Variants in LSS observed in about 807,000 individuals in gnomAD.
The protein encoded by LSS is 2,3-epoxysqualene-lanosterol cyclase.
Under a neutral mutation model 110.3 loss-of-function variants are expected in LSS, and 90 were observed. That is an observed-to-expected ratio of 0.82 (90% CI 0.69 to 0.97). The LOEUF (loss-of-function observed/expected upper bound fraction) is 0.97. LSS is among the 50% of genes least tolerant of loss of function. The pLI, the probability that LSS is intolerant of heterozygous loss-of-function variation, is 0.00. For synonymous variants in LSS, 433 were observed against 400.0 expected (o/e 1.08, Z -0.98); for missense variants, 927 against 990.0 (o/e 0.94, Z 0.85).
Position 46,228,418 on chromosome 21 carries a change from C to T in LSS, c.180+16G>A. ...CAGGGTCCCGAGCTCGCTGACGCTC[C>T]GCGGAAGCAACTTACGGTGTCCAGC... is the stretch of plus-strand genomic sequence containing the variant. On this transcript the variant is annotated intron_variant, in intron 2 of 21. Coordinates refer to ENST00000397728, the MANE Select transcript of LSS (RefSeq NM_002340.6). The T allele has an allele frequency of 6.3e-7, 1 of 1,599,554 alleles. No individual in the cohort carries two copies. The highest frequency in any genetic ancestry group is 8.5e-7 in the Non-Finnish European group (1 of 1,178,956).
At chr21:46,195,531 C>T in intron 19 of LSS, 145 bp downstream of exon 19, 1 of 765,028 alleles carries the variant, frequency 1.3e-6, no homozygotes, top group East Asian at 2.6e-5. Flanking sequence ...CACTGCATGT[C>T]AGCCCGGTTG....
intron 11 of LSS, among the ~76,000 whole-genome samples, chr21:46,211,121 A>C (rs147509327): frequency 6.6e-6 from 1 of 152,068 alleles, no homozygotes; most frequent in Non-Finnish European, 1.5e-5. Context: ...GATGCCTGGA[A>C]ATGACCCCAT....
chr21:46,216,316 A>G lies in LSS; in HGVS notation c.783+73T>C, dbSNP rs183742551. The G allele has an allele frequency of 5.0e-6, 8 of 1,593,610 alleles. No individual in the cohort carries two copies. The Admixed American group carries it at 6.7e-5, about 13-fold the overall frequency. ...ACCAGGTGAGTGGACAGGTGTGGTTAGATTCCAGAAGCCCCAGGCCCTGTG... is the reference window on the plus strand; with the variant it reads ...ACCAGGTGAGTGGACAGGTGTGGTTGGATTCCAGAAGCCCCAGGCCCTGTG... On this transcript the variant is annotated intron_variant, in intron 7 of 21. Coordinates refer to ENST00000397728, the MANE Select transcript of LSS (RefSeq NM_002340.6). The surrounding 1 kb of genome is among the most constrained non-coding windows in gnomAD (Gnocchi z 4.2).
chr21:46,227,425 G>T (rs1236930811), intron 3 of LSS, 127 bp downstream of exon 3: 2 of 1,202,504 alleles, frequency 1.7e-6, no homozygotes, highest in Non-Finnish European at 2.3e-6. Flanking sequence ...GGCAGAGTTT[G>T]CCAGCCCTTT....
intron 17 of LSS, among the ~76,000 whole-genome samples, chr21:46,202,350 C>T (rs1420288498): frequency 1.4e-5 from 2 of 142,834 alleles, no homozygotes; most frequent in Non-Finnish European, 3.1e-5. Context: ...GCCGAGATCC[C>T]GCCACTGCAC....
intron 6 of LSS, 111 bp downstream of exon 6, chr21:46,219,365 G>T: frequency 1.6e-6 from 1 of 634,442 alleles, no homozygotes; most frequent in Non-Finnish European, 2.6e-6. Flanking sequence ...CCCACCCACA[G>T]AATGCCCACC....
chr21:46,201,801 CTT>C (rs35255202), intron 17 of LSS, among the ~76,000 whole-genome samples: 151 of 144,952 alleles, frequency 1.0e-3, no homozygotes, highest in Middle Eastern at 3.5e-3. Context: ...AGTTTAAAAT[CTT>C]TTTTTTTTTT....
In LSS at chr21:46,216,678, C is replaced by T. The variant is rs2080211949; in HGVS notation, c.648-154G>A. Among the ~76,000 whole-genome samples the T allele has an allele frequency of 6.6e-6, 1 of 152,204 alleles. No individual in the cohort carries two copies. The highest frequency in any genetic ancestry group is 1.5e-5 in the Non-Finnish European group (1 of 68,038). Reference sequence around the variant, plus strand: ...CTGCGGGCATTTCCCAACCGTGCTCCTGAGGGGCACAGTTGAACCATAGGT... The same window carrying T: ...CTGCGGGCATTTCCCAACCGTGCTCTTGAGGGGCACAGTTGAACCATAGGT... On this transcript the variant is annotated intron_variant, in intron 6 of 21. Coordinates refer to ENST00000397728, the MANE Select transcript of LSS (RefSeq NM_002340.6). This position sits in a 1 kb window ranked among gnomAD's most constrained non-coding sequence, Gnocchi z 4.2.
intron 20 of LSS, chr21:46,192,369 T>C: frequency 2.4e-6 from 1 of 413,206 alleles, no homozygotes; most frequent in Non-Finnish European, 4.8e-6. Flanking sequence ...CAACTGTGGG[T>C]CCCTGACTGT....
rs991265440 is a variant in LSS, at chr21:46,189,195, A to C, written c.*1909T>G. 2.7e-5 allele frequency: 6 copies of C among 221,278 alleles called. No individual in the cohort carries two copies. The highest frequency in any genetic ancestry group is 2.1e-4 in the Admixed American group (4 of 19,180). The allele number at this position is 221,278 out of a possible 1,614,324, so 13.7% of individuals were successfully genotyped here. A position where few individuals can be genotyped will look rare whatever the true frequency, so the allele number is the denominator to read the frequency against. ...AAAAGTGACTTTCAGTAACATTTTC[A>C]GTATAAAAATGGATTTACATTTCAT... On this transcript the variant is annotated 3_prime_UTR_variant, in exon 22 of 22. Coordinates refer to ENST00000397728, the MANE Select transcript of LSS (RefSeq NM_002340.6).
Position 46,190,831 on chromosome 21 carries a change from T to C in LSS, c.*273A>G. 1 of 469,616 alleles carries C rather than the reference T, an allele frequency of 2.1e-6. No homozygotes were observed. 29.1% of individuals were successfully genotyped at this position (469,616 alleles called of 1,614,324 possible). On this transcript the variant is annotated 3_prime_UTR_variant, in exon 22 of 22. Transcript: ENST00000397728. The surrounding 1 kb of genome is among the most constrained non-coding windows in gnomAD (Gnocchi z 4.6). ...CGTGCCCAGAGGTGGCAGAAGGCGC[T>C]GTGCCTCCTCAGGGGTCACGGCTCC...
intron 11 of LSS, among the ~76,000 whole-genome samples, chr21:46,212,537 T>C (rs1412128655): frequency 1.3e-5 from 2 of 152,336 alleles, no homozygotes; most frequent in East Asian, 3.9e-4. Flanking sequence ...CTCCTTGTGC[T>C]TGGTGCCCCT....
intron 5 of LSS, among the ~76,000 whole-genome samples, chr21:46,221,101 C>A (rs1360464250): frequency 7.1e-6 from 1 of 141,574 alleles, no homozygotes; most frequent in Non-Finnish European, 1.5e-5. Flanking sequence ...TAAGACAACC[C>A]GGGGCTTGGA....
Position 46,196,183 on chromosome 21 carries a change from C to T in LSS, c.1736+19G>A, listed in dbSNP as rs373397316. 1.6e-5 allele frequency: 26 copies of T among 1,612,780 alleles called. No homozygotes were observed. Among genetic ancestry groups the T allele is most frequent in the African/African-American group, 6.7e-5 (5 of 74,900 alleles). ...TGGATCCCGTGCATCTCTGCACTCACGAGTGGAGGCTCACTCACCCTTCCC... is the reference window on the plus strand; with the variant it reads ...TGGATCCCGTGCATCTCTGCACTCATGAGTGGAGGCTCACTCACCCTTCCC... On this transcript the variant is annotated intron_variant, in intron 18 of 21. Transcript: ENST00000397728.
rs568166131 is a variant in LSS at position 46,209,724 on chromosome 21, G to A, written c.1195-99C>T. On this transcript the variant is annotated intron_variant, in intron 12 of 21. Transcript: ENST00000397728. This position sits in a 1 kb window ranked among gnomAD's most constrained non-coding sequence, Gnocchi z 4.4. ...GTCCTGGCCACATCCTGCCCCAACCGGGGACCAGAATCAAACCAGCAGACA... is the reference window on the plus strand; with the variant it reads ...GTCCTGGCCACATCCTGCCCCAACCAGGGACCAGAATCAAACCAGCAGACA... 26 of 1,005,226 alleles carry A rather than the reference G, an allele frequency of 2.6e-5. No homozygotes were observed. The highest frequency in any genetic ancestry group is 1.5e-4 in the Admixed American group (7 of 46,524). The allele number at this position is 1,005,226 out of a possible 1,614,324, so 62.3% of individuals were successfully genotyped here.
In LSS at chr21:46,205,992, G is replaced by C. The variant is rs1469680353; in HGVS notation, c.1565-51C>G. On this transcript the variant is annotated intron_variant, in intron 16 of 21. Transcript: ENST00000397728. ...TGTTGGGTTTCACCCTGGCTGCCCA[G>C]GCTCTGCAGCTCAGGCAAAGCCACA... The C allele has an allele frequency of 2.9e-6, 4 of 1,387,514 alleles. No homozygotes were observed. The African/African-American group carries it at 5.7e-5, about 20-fold the overall frequency. The allele number at this position is 1,387,514 out of a possible 1,614,324, so 86.0% of individuals were successfully genotyped here.
chr21:46,196,887 G>T (rs1008653613), intron 17 of LSS, among the ~76,000 whole-genome samples: 2 of 152,228 alleles, frequency 1.3e-5, no homozygotes, highest in Non-Finnish European at 2.9e-5. Context: ...CATCTAGAGA[G>T]GCCCCGCAGC....
intron 19 of LSS, among the ~76,000 whole-genome samples, chr21:46,195,124 G>A (rs76224955): frequency 0.016 from 2,387 of 152,328 alleles, 25 homozygotes; most frequent in Non-Finnish European, 0.026. Context: ...CAGCGAGGCC[G>A]TGGACCCTAA....
intron 16 of LSS, 65 bp from the exon 17 acceptor site, chr21:46,206,006 G>T: frequency 8.0e-7 from 1 of 1,246,604 alleles, no homozygotes; most frequent in Non-Finnish European, 1.2e-6. Context: ...CTGCAGCTCA[G>T]GCAAAGCCAC....
Sources: gnomAD v4.1 joint callset for allele counts (sites outside exome capture counted in the v4.1 genomes callset) on GRCh38, gnomAD v4.1.1 for gene constraint, Gnocchi (gnomAD v3.1) non-coding constraint, MANE v1.5 for transcripts, NCBI Gene and HGNC (gene_info 2026-07-23, HGNC 2026-07-21) for gene names.